The following LDLRAD4 variants were observed in gnomAD, a reference collection of about 807,000 sequenced individuals.
LDLRAD4 encodes the protein low-density lipoprotein receptor class A domain-containing protein 4.
LDLRAD4 carries 5 observed loss-of-function variants against 17.0 expected under a neutral mutation model. The observed-to-expected ratio is 0.29, with a 90% CI of 0.15 to 0.62. The LOEUF (loss-of-function observed/expected upper bound fraction) is 0.62, where lower values mean the gene tolerates loss of function less well. Ranked by LOEUF, LDLRAD4 falls within the 20% of genes least tolerant of loss-of-function variation. The pLI, the probability that LDLRAD4 is intolerant of heterozygous loss-of-function variation, is 0.84. For synonymous variants in LDLRAD4, 168 were observed against 171.8 expected (o/e 0.98, Z 0.17); for missense variants, 340 against 424.7 (o/e 0.80, Z 1.75).
In LDLRAD4 at chr18:13,441,028, G is replaced by A. The variant is rs184483021; in HGVS notation, c.181+2644G>A. Among the ~76,000 whole-genome samples the A allele has an allele frequency of 4.5e-4, 69 of 152,306 alleles. No individual in the cohort carries two copies. The East Asian group carries it at 0.012, about 26-fold the overall frequency. ...GGTCATGGGGAGACGCTCACGGCGC[G>A]GGTTGCCTCTGGATTGTTCTGTGTG... is the stretch of plus-strand genomic sequence containing the variant. On this transcript the variant is annotated intron_variant, in intron 3 of 5. Transcript: ENST00000359446.
At chr18:13,257,868 G>A (rs1235843181) in intron 1 of LDLRAD4, among the ~76,000 whole-genome samples, 1 of 152,196 alleles carries the variant, frequency 6.6e-6, no homozygotes, top group Admixed American at 6.5e-5. Context: ...TGCTTTAACA[G>A]TAGTGGTAGT....
At chr18:13,444,309 T>C (rs187224954) in intron 3 of LDLRAD4, among the ~76,000 whole-genome samples, 7 of 152,336 alleles carry the variant, frequency 4.6e-5, no homozygotes, top group Non-Finnish European at 7.3e-5. Context: ...CAATGACCTG[T>C]TTAACTCCAG....
intron 1 of LDLRAD4, among the ~76,000 whole-genome samples, chr18:13,352,371 C>G (rs944385399): frequency 1.3e-4 from 19 of 147,424 alleles, no homozygotes; most frequent in African/African-American, 4.8e-4. Context: ...TCTTGGCTGA[C>G]AGGTTGTTTT....
intron 1 of LDLRAD4, among the ~76,000 whole-genome samples, chr18:13,266,808 T>G (rs573157867): frequency 1.2e-4 from 18 of 152,366 alleles, no homozygotes; most frequent in Admixed American, 1.0e-3. Context: ...AGTTACAGTT[T>G]CAGTCACAGC....
intron 2 of LDLRAD4, among the ~76,000 whole-genome samples, chr18:13,389,280 T>C (rs2086078631): frequency 1.3e-5 from 2 of 150,626 alleles, no homozygotes; most frequent in African/African-American, 4.9e-5. Flanking sequence ...AGCTCCCTCA[T>C]GGATACTCCT....
chr18:13,520,551 A>G (rs1379750169), intron 3 of LDLRAD4: 4 of 152,238 alleles, frequency 2.6e-5, no homozygotes, highest in Non-Finnish European at 5.9e-5. Context: ...CTCAGAGGGA[A>G]CAACTTAAAA....
At chr18:13,549,470 G>A (rs775222111) in intron 3 of LDLRAD4, among the ~76,000 whole-genome samples, 1 of 152,060 alleles carries the variant, frequency 6.6e-6, no homozygotes, top group Non-Finnish European at 1.5e-5. Flanking sequence ...AAAGGGCCCA[G>A]GAAGACCAGA....
intron 3 of LDLRAD4, among the ~76,000 whole-genome samples, chr18:13,606,865 A>G (rs977980441): frequency 4.6e-5 from 7 of 152,250 alleles, no homozygotes; most frequent in Non-Finnish European, 7.3e-5. Flanking sequence ...GGGCAGAGCC[A>G]TCGATTCTTA....
intron 1 of LDLRAD4, chr18:13,241,229 G>C (rs1409360176): frequency 6.6e-6 from 1 of 152,302 alleles, no homozygotes; most frequent in Non-Finnish European, 1.5e-5. Flanking sequence ...GCCAGGCCAA[G>C]GCGGGCTTTA....
chr18:13,612,243 C>A (rs908441050), intron 3 of LDLRAD4: 2 of 993,994 alleles, frequency 2.0e-6, no homozygotes, highest in African/African-American at 1.7e-5. Flanking sequence ...TTCTGCTTGC[C>A]TGTGTGTGTG....
chr18:13,562,087 C>T (rs1260195372), intron 3 of LDLRAD4, among the ~76,000 whole-genome samples: 2 of 152,194 alleles, frequency 1.3e-5, no homozygotes, highest in African/African-American at 2.4e-5. Flanking sequence ...AGATCCAGGC[C>T]CAAATCGTGG....
At chr18:13,224,890 G>A (rs28509261) in intron 1 of LDLRAD4, among the ~76,000 whole-genome samples, 16 of 150,092 alleles carry the variant, frequency 1.1e-4, no homozygotes, top group African/African-American at 3.9e-4. Flanking sequence ...GTGCAGTGGC[G>A]TGATCCATCT....
chr18:13,248,465 C>G (rs372445286), intron 1 of LDLRAD4, among the ~76,000 whole-genome samples: 5 of 152,198 alleles, frequency 3.3e-5, no homozygotes, highest in African/African-American at 9.7e-5. Flanking sequence ...GTGGGCACAG[C>G]GACCACCCCA....
intron 3 of LDLRAD4, among the ~76,000 whole-genome samples, chr18:13,495,656 G>C (rs1238438935): frequency 6.6e-6 from 1 of 152,208 alleles, no homozygotes; most frequent in Non-Finnish European, 1.5e-5. Flanking sequence ...CCTTTAGAGT[G>C]GTGAAGATGG....
At chr18:13,583,115 T>G (rs1481753770) in intron 3 of LDLRAD4, among the ~76,000 whole-genome samples, 1 of 152,212 alleles carries the variant, frequency 6.6e-6, no homozygotes, top group Non-Finnish European at 1.5e-5. Context: ...CATAAGACTG[T>G]GAATTATAGC....
chr18:13,377,204 G>A (rs1206945611), intron 1 of LDLRAD4, among the ~76,000 whole-genome samples: 1 of 152,218 alleles, frequency 6.6e-6, no homozygotes, highest in African/African-American at 2.4e-5. Flanking sequence ...ATCAACGCCA[G>A]AGCCATCCTC....
intron 3 of LDLRAD4, among the ~76,000 whole-genome samples, chr18:13,557,476 C>G (rs966353456): frequency 1.3e-5 from 2 of 152,194 alleles, no homozygotes; most frequent in Non-Finnish European, 2.9e-5. Context: ...TCTTGGCTCA[C>G]TGCAAGCTCC....
At chr18:13,224,758 G>C (rs2041677967) in intron 1 of LDLRAD4, among the ~76,000 whole-genome samples, 1 of 151,290 alleles carries the variant, frequency 6.6e-6, no homozygotes, top group Non-Finnish European at 1.5e-5. Flanking sequence ...GAGATTACAG[G>C]CATGAGCCAC....
rs374696939 is a variant in LDLRAD4 at position 13,249,011 on chromosome 18, T to C, written c.-466-29094T>C. 2.6e-5 allele frequency among the ~76,000 whole-genome samples: 4 copies of C among 152,366 alleles called. No homozygotes were observed. The East Asian group carries it at 7.7e-4, about 29-fold the overall frequency. On this transcript the variant is annotated intron_variant, in intron 1 of 5. Transcript: ENST00000399848. ...GAGTGAGAACCTGTGGTGTTTAACT[T>C]TCTGTTCCTGGCTTATTTCACCTAA...
Sources: allele counts gnomAD v4.1 joint callset (sites outside exome capture counted in the v4.1 genomes callset), GRCh38; gene constraint gnomAD v4.1.1; transcripts MANE v1.5; gene names NCBI Gene and HGNC (gene_info 2026-07-23, HGNC 2026-07-21).